Variants in SUMF1 observed in about 807,000 individuals in gnomAD.
SUMF1 encodes sulfatase modifying factor 1.
A neutral mutation model predicts 47.6 loss-of-function variants in SUMF1; 48 were observed. The observed-to-expected ratio is 1.01, with a 90% CI of 0.80 to 1.28. The LOEUF (loss-of-function observed/expected upper bound fraction) is 1.28. Among genes scored for constraint, SUMF1 ranks in the 50% most tolerant of loss-of-function variants. The probability of loss-of-function intolerance (pLI) is 0.00; values close to 1 mark genes in which losing one functional copy is unlikely to be tolerated. For missense variants in SUMF1, 571 were observed against 485.4 expected (o/e 1.18, Z -1.66); for synonymous variants, 230 against 192.1 (o/e 1.20, Z -1.63).
intron 7 of SUMF1, among the ~76,000 whole-genome samples, chr3:4,397,642 C>G (rs572207063): frequency 3.2e-4 from 48 of 152,108 alleles, no homozygotes; most frequent in African/African-American, 1.1e-3. Context: ...GCTAAGTGCC[C>G]AATTCTGTAT....
At chr3:4,392,520 T>C (rs973584382) in intron 7 of SUMF1, among the ~76,000 whole-genome samples, 1 of 151,492 alleles carries the variant, frequency 6.6e-6, no homozygotes, top group Non-Finnish European at 1.5e-5. Context: ...TTTAAGATTA[T>C]ACATAATATG....
chr3:4,231,108 G>T (rs574887064), intron 8 of SUMF1, among the ~76,000 whole-genome samples: 9 of 152,202 alleles, frequency 5.9e-5, no homozygotes, highest in African/African-American at 2.2e-4. Context: ...CCATGCCAGA[G>T]AATGACAAAA....
At chr3:4,326,224 T>C (rs1317960335) in intron 8 of SUMF1, among the ~76,000 whole-genome samples, 1 of 152,230 alleles carries the variant, frequency 6.6e-6, no homozygotes, top group African/African-American at 2.4e-5. Context: ...TCATTATACT[T>C]GGCCTGATTA....
At chr3:4,397,757 C>T (rs1312662082) in intron 7 of SUMF1, among the ~76,000 whole-genome samples, 1 of 152,054 alleles carries the variant, frequency 6.6e-6, no homozygotes, top group African/African-American at 2.4e-5. Flanking sequence ...TACCAGATGG[C>T]CTATCTCCTT....
intron 8 of SUMF1, among the ~76,000 whole-genome samples, chr3:4,329,103 C>G (rs1394731889): frequency 6.6e-6 from 1 of 152,212 alleles, no homozygotes; most frequent in South Asian, 2.1e-4. Flanking sequence ...TGTGGCTTTG[C>G]AGGGTACAGC....
At chr3:4,249,557 A>T (rs995161034) in intron 8 of SUMF1, among the ~76,000 whole-genome samples, 2 of 152,152 alleles carry the variant, frequency 1.3e-5, no homozygotes, top group African/African-American at 4.8e-5. Context: ...AACTTAATAA[A>T]TGTTTGTGTT....
chr3:4,040,471 T>C (rs2125017069), intron 9 of SUMF1, among the ~76,000 whole-genome samples: 1 of 152,272 alleles, frequency 6.6e-6, no homozygotes, highest in African/African-American at 2.4e-5. Context: ...TTTTAATCAA[T>C]GATTTAGATG....
At chr3:4,125,521 C>G (rs1005522653) in intron 8 of SUMF1, among the ~76,000 whole-genome samples, 1 of 152,142 alleles carries the variant, frequency 6.6e-6, no homozygotes, top group Non-Finnish European at 1.5e-5. Flanking sequence ...TTACCATTAA[C>G]TCACAAACTT....
intron 8 of SUMF1, among the ~76,000 whole-genome samples, chr3:4,264,519 C>T (rs949721156): frequency 1.3e-4 from 19 of 151,982 alleles, no homozygotes; most frequent in Admixed American, 5.2e-4. Context: ...TTTTTATACA[C>T]GACAAACAGC....
At position 4,264,653 on chromosome 3, in the gene SUMF1, C is replaced by G. The variant is rs113821672; in HGVS notation, c.1014+111677G>C. Among the ~76,000 whole-genome samples, 482 of 152,260 alleles carry G rather than the reference C, an allele frequency of 3.2e-3. 4 individuals are homozygous for G. Among genetic ancestry groups the G allele is most frequent in the Admixed American group, 4.2e-3 (64 of 15,296 alleles). On this transcript the variant is annotated intron_variant and NMD_transcript_variant, in intron 8 of 12. Coordinates refer to the SUMF1 transcript ENST00000448413. ...AATAACACCCATTTAGGTTTTCCAT[C>G]AAGTCTGGGTGATAAAATGGGTACT...
intron 8 of SUMF1, among the ~76,000 whole-genome samples, chr3:4,207,078 T>C (rs1695669807): frequency 6.6e-6 from 1 of 152,132 alleles, no homozygotes. Flanking sequence ...TTAAAAAATT[T>C]ATTCCCATAT....
At chr3:4,285,819 T>C (rs1697621650) in intron 8 of SUMF1, among the ~76,000 whole-genome samples, 1 of 152,136 alleles carries the variant, frequency 6.6e-6, no homozygotes, top group Non-Finnish European at 1.5e-5. Flanking sequence ...TGCCAAAATG[T>C]TGAAATACTT....
intron 9 of SUMF1, among the ~76,000 whole-genome samples, chr3:4,048,624 T>C (rs1574844596): frequency 6.6e-6 from 1 of 152,102 alleles, no homozygotes; most frequent in East Asian, 1.9e-4. Flanking sequence ...GTGTGATTAA[T>C]TTTAATTTCC....
At chr3:4,036,718 G>T (rs1694804253) in intron 9 of SUMF1, among the ~76,000 whole-genome samples, 2 of 151,898 alleles carry the variant, frequency 1.3e-5, no homozygotes, top group Non-Finnish European at 2.9e-5. Flanking sequence ...ATCTATTCTG[G>T]TGCTGAATGT....
intron 3 of SUMF1, among the ~76,000 whole-genome samples, chr3:4,435,671 A>C (rs1015393373): frequency 6.6e-6 from 1 of 152,232 alleles, no homozygotes; most frequent in East Asian, 1.9e-4. Flanking sequence ...AATACATGTA[A>C]GAGAAGTGTT....
chr3:4,313,644 C>T, intron 8 of SUMF1: 1 of 1,614,060 alleles, frequency 6.2e-7, no homozygotes, highest in Middle Eastern at 1.7e-4. Flanking sequence ...TGCCTTTTGA[C>T]AGTTCTCTGT....
downstream of SUMF1, among the ~76,000 whole-genome samples, chr3:4,356,913 C>A (rs1240351252): frequency 6.6e-6 from 1 of 152,178 alleles, no homozygotes; most frequent in African/African-American, 2.4e-5. Context: ...ACACGTCTTG[C>A]CTGGCTCTGC....
intron 3 of SUMF1, among the ~76,000 whole-genome samples, chr3:4,441,056 G>C (rs1165024601): frequency 6.6e-6 from 1 of 152,170 alleles, no homozygotes; most frequent in Non-Finnish European, 1.5e-5. Context: ...GTACTGGTCT[G>C]TGGCCTATTG....
At chr3:4,436,510 C>T (rs1174832574) in intron 3 of SUMF1, among the ~76,000 whole-genome samples, 1 of 151,172 alleles carries the variant, frequency 6.6e-6, no homozygotes, top group Non-Finnish European at 1.5e-5. Flanking sequence ...TAGCCAACAT[C>T]TAATTGGAGT....
Sources: allele counts gnomAD v4.1 joint callset (sites outside exome capture counted in the v4.1 genomes callset), GRCh38; gene constraint gnomAD v4.1.1; transcripts MANE v1.5; gene names NCBI Gene and HGNC (gene_info 2026-07-23, HGNC 2026-07-21).